Variants in WDR25 observed in about 807,000 individuals in gnomAD.
WDR25 encodes the protein WD repeat-containing protein 25.
A neutral mutation model predicts 47.7 loss-of-function variants in WDR25; 35 were observed. The observed-to-expected ratio is 0.73, with a 90% CI of 0.56 to 0.97. The LOEUF is 0.97. Among genes scored for constraint, WDR25 ranks in the 50% least tolerant of loss-of-function variants. The probability of loss-of-function intolerance (pLI) is 0.00; values close to 1 mark genes in which losing one functional copy is unlikely to be tolerated. For missense variants in WDR25, 634 were observed against 704.7 expected (o/e 0.90, Z 1.14); for synonymous variants, 248 against 278.9 (o/e 0.89, Z 1.10).
chr14:100,505,027 T>C, intron 4 of WDR25, among the ~76,000 whole-genome samples: 1 of 152,322 alleles, frequency 6.6e-6, no homozygotes, highest in East Asian at 1.9e-4. Context: ...TGTCTTGTTT[T>C]GTGAAGGATC....
At chr14:100,379,951 A>G (rs1045565680) in intron 1 of WDR25, among the ~76,000 whole-genome samples, 1 of 150,674 alleles carries the variant, frequency 6.6e-6, no homozygotes, top group African/African-American at 2.5e-5. Flanking sequence ...TATGTTGGCC[A>G]GGCTGCTCTT....
rs567941650 is a variant in WDR25, at chr14:100,506,409, T to A, written c.1102-19461T>A. Among the ~76,000 whole-genome samples the A allele has an allele frequency of 6.6e-6, 1 of 152,180 alleles. No homozygotes were observed. Among genetic ancestry groups the A allele is most frequent in the South Asian group, 2.1e-4 (1 of 4,826 alleles). ...ATGTGTCTCTTTGGTAGAATAACATTTTCTTTTGGATATATACCCAGTAAT... is the reference window on the plus strand; with the variant it reads ...ATGTGTCTCTTTGGTAGAATAACATATTCTTTTGGATATATACCCAGTAAT... On this transcript the variant is annotated intron_variant, in intron 4 of 6. Coordinates refer to ENST00000402312, the MANE Select transcript of WDR25 (RefSeq NM_001161476.3). The surrounding 1 kb of genome is among the most constrained non-coding windows in gnomAD (Gnocchi z 4.8).
intron 2 of WDR25, among the ~76,000 whole-genome samples, chr14:100,463,505 CT>C (rs1225472485): frequency 7.2e-5 from 11 of 152,190 alleles, no homozygotes; most frequent in African/African-American, 2.7e-4. Context: ...GGTTCCCAGC[CT>C]GTGAAACTTG....
chr14:100,429,266 G>T (rs1898258759), intron 2 of WDR25, among the ~76,000 whole-genome samples: 1 of 152,214 alleles, frequency 6.6e-6, no homozygotes, highest in South Asian at 2.1e-4. Flanking sequence ...ATGGGGTGGT[G>T]CAGCAGAGGC....
chr14:100,393,765 A>T (rs1234850739), intron 2 of WDR25, among the ~76,000 whole-genome samples: 3 of 152,162 alleles, frequency 2.0e-5, no homozygotes, highest in Non-Finnish European at 4.4e-5. Flanking sequence ...AAGTAGATGC[A>T]GGCATTGGGT....
chr14:100,442,421 T>C (rs1264359167), intron 2 of WDR25, among the ~76,000 whole-genome samples: 1 of 152,112 alleles, frequency 6.6e-6, no homozygotes, highest in Non-Finnish European at 1.5e-5. Flanking sequence ...ACATCTAGCA[T>C]TGTGGATAAG....
intron 2 of WDR25, among the ~76,000 whole-genome samples, chr14:100,388,859 GA>G (rs1897076962): frequency 6.6e-6 from 1 of 152,216 alleles, no homozygotes; most frequent in African/African-American, 2.4e-5. Flanking sequence ...CTGACAGGAA[GA>G]AAACAGCCGT....
intron 2 of WDR25, among the ~76,000 whole-genome samples, chr14:100,459,917 TATATATATATATATATATATATACAC>T (rs1164519469): frequency 2.9e-5 from 3 of 102,570 alleles, no homozygotes; most frequent in African/African-American, 1.3e-4. Context: ...TATATATATA[TATATATATATATATATATATATACAC>T]ATACACATAC....
intron 2 of WDR25, among the ~76,000 whole-genome samples, chr14:100,446,080 G>A (rs1330512610): frequency 6.6e-6 from 1 of 152,192 alleles, no homozygotes; most frequent in Non-Finnish European, 1.5e-5. Flanking sequence ...CCCCCTGACT[G>A]TTTCAGTGCT....
rs1006586152 is a variant in WDR25, at chr14:100,449,245, G to T, written c.823-18776G>T. On this transcript the variant is annotated intron_variant, in intron 2 of 6. Transcript: ENST00000402312. This position sits in a 1 kb window ranked among gnomAD's most constrained non-coding sequence, Gnocchi z 4.2. The stretch of plus-strand genomic sequence containing the variant: ...TTTATGCAAATTGAGAAATCTTGAT[G>T]AAAACGATCACTTCCATCCCAGCCC... Among the ~76,000 whole-genome samples, 1 of 152,228 alleles carries T rather than the reference G, an allele frequency of 6.6e-6. No individual in the cohort carries two copies. The highest frequency in any genetic ancestry group is 2.4e-5 in the African/African-American group (1 of 41,466).
chr14:100,412,409 C>G (rs1226796594), intron 2 of WDR25, among the ~76,000 whole-genome samples: 1 of 151,988 alleles, frequency 6.6e-6, no homozygotes, highest in Non-Finnish European at 1.5e-5. Flanking sequence ...AGAAACGTGT[C>G]TTTAGGAGTG....
intron 1 of WDR25, among the ~76,000 whole-genome samples, chr14:100,377,212 T>C (rs1306388343): frequency 6.6e-6 from 1 of 152,254 alleles, no homozygotes; most frequent in Non-Finnish European, 1.5e-5. Context: ...TTATTTGCAG[T>C]GCACGGTTCC....
At chr14:100,444,488 C>T (rs1898765680) in intron 2 of WDR25, among the ~76,000 whole-genome samples, 1 of 152,230 alleles carries the variant, frequency 6.6e-6, no homozygotes, top group African/African-American at 2.4e-5. Flanking sequence ...AGCTAAGGCC[C>T]ATGCCAGAGC....
chr14:100,484,090 C>T lies in WDR25; in HGVS notation c.1067C>T (p.Ser356Phe), dbSNP rs761144017. The change falls in exon 4 of 7, where the codon TCT becomes TTT. Residue 356 changes from serine to phenylalanine, a missense_variant. Coordinates refer to ENST00000402312, the MANE Select transcript of WDR25 (RefSeq NM_001161476.3). ...HNIFLCGGFS[S>F]EMKAWDIRTG... ...ATCTTTTTATGTGGAGGCTTCAGCT[C>T]TGAAATGAAAGCTTGGGATATAAGG... 6.2e-7 allele frequency: 1 copy of T among 1,613,880 alleles called. No individual in the cohort carries two copies.
chr14:100,514,275 G>A (rs1901419296), intron 4 of WDR25, among the ~76,000 whole-genome samples: 1 of 152,118 alleles, frequency 6.6e-6, no homozygotes. Context: ...TATATTTAAA[G>A]TTTGTTTATT....
At chr14:100,452,960 G>A (rs557340226) in intron 2 of WDR25, among the ~76,000 whole-genome samples, 7 of 152,146 alleles carry the variant, frequency 4.6e-5, no homozygotes, top group Non-Finnish European at 7.4e-5. Flanking sequence ...TTGAGACATC[G>A]GTTTTGAGGC....
intron 2 of WDR25, among the ~76,000 whole-genome samples, chr14:100,385,299 G>A (rs1043155541): frequency 6.6e-6 from 1 of 152,172 alleles, no homozygotes; most frequent in South Asian, 2.1e-4. Flanking sequence ...ATTGTCTTTT[G>A]AGTGGATAAA....
At chr14:100,493,788 G>A (rs1400737914) in intron 4 of WDR25, among the ~76,000 whole-genome samples, 1 of 152,230 alleles carries the variant, frequency 6.6e-6, no homozygotes, top group Non-Finnish European at 1.5e-5. Flanking sequence ...CTAATGTGAT[G>A]ATATTAGGAG....
intron 2 of WDR25, among the ~76,000 whole-genome samples, chr14:100,402,932 C>T (rs1366627102): frequency 6.6e-6 from 1 of 152,050 alleles, no homozygotes; most frequent in African/African-American, 2.4e-5. Context: ...AGGAGGACAC[C>T]CTTAGGTTGT....
Sources: gnomAD v4.1 joint callset for allele counts (sites outside exome capture counted in the v4.1 genomes callset) on GRCh38, gnomAD v4.1.1 for gene constraint, Gnocchi (gnomAD v3.1) non-coding constraint, MANE v1.5 for transcripts, NCBI Gene and HGNC (gene_info 2026-07-23, HGNC 2026-07-21) for gene names.